CCL5: variants seen among roughly 807,000 people sequenced by gnomAD.
CCL5 encodes C-C motif chemokine ligand 5.
Under a neutral mutation model 9.0 loss-of-function variants are expected in CCL5, and 5 were observed. The observed-to-expected ratio is 0.55, with a 90% CI of 0.29 to 1.16. The LOEUF (loss-of-function observed/expected upper bound fraction) is 1.16, where lower values mean the gene tolerates loss of function less well. Ranked by LOEUF, CCL5 falls within the 50% of genes most tolerant of loss-of-function variation. The pLI is 0.08. For synonymous variants in CCL5, 66 were observed against 72.0 expected, an observed-to-expected ratio of 0.92 and a Z score of 0.42; for missense variants, 183 against 183.2, an observed-to-expected ratio of 1.00 and a Z score of 0.01.
rs542380253 is a variant in CCL5 at position 35,880,151 on chromosome 17, G to A, written c.76+79C>T. Reference sequence around the variant, plus strand: ...TACAGTTGAAAAGAGGGCAAGGTGTGGGACAGTCATTGGGATGGGGTAGGC... The same window carrying A: ...TACAGTTGAAAAGAGGGCAAGGTGTAGGACAGTCATTGGGATGGGGTAGGC... On this transcript the variant is annotated intron_variant, in intron 1 of 3. Transcript: ENST00000651122. 6 of 1,074,774 alleles carry A rather than the reference G, an allele frequency of 5.6e-6. No individual in the cohort carries two copies. The East Asian group carries it at 1.4e-4, about 26-fold the overall frequency. 66.6% of individuals were successfully genotyped at this position (1,074,774 alleles called of 1,614,324 possible).
At position 35,872,163 on chromosome 17, in the gene CCL5, T is replaced by A. The variant is rs1001601648; in HGVS notation, c.*107A>T. 8.4e-5 allele frequency: 51 copies of A among 610,532 alleles called. No individual in the cohort carries two copies. In the African/African-American group the frequency reaches 9.1e-4, roughly 11 times the overall value. 37.8% of individuals were successfully genotyped at this position (610,532 alleles called of 1,614,324 possible). A position where few individuals can be genotyped will look rare whatever the true frequency, so the allele number is the denominator to read the frequency against. ...GTCTCGAACTCCTGACCTCAAGTGA[T>A]CCACCCACCTTGGCCTCCCAAAGTG... On this transcript the variant is annotated 3_prime_UTR_variant, in exon 4 of 4. Coordinates refer to ENST00000651122, the MANE Select transcript of CCL5 (RefSeq NM_001278736.2).
At chr17:35,879,731 TTTTA>T (rs1461677827) in intron 1 of CCL5, among the ~76,000 whole-genome samples, 1 of 152,120 alleles carries the variant, frequency 6.6e-6, no homozygotes, top group Non-Finnish European at 1.5e-5. Context: ...CTCTCCTTGT[TTTTA>T]TTTGTTTTTT....
chr17:35,873,875 G>T (rs1417300170), intron 3 of CCL5, among the ~76,000 whole-genome samples: 1 of 152,226 alleles, frequency 6.6e-6, no homozygotes, highest in Non-Finnish European at 1.5e-5. Context: ...TGAGGGCCAT[G>T]AGATAATGGC....
rs1475898926 is a variant in CCL5 at position 35,872,483 on chromosome 17, A to G, written c.271-19T>C. On this transcript the variant is annotated intron_variant, in intron 3 of 3. Coordinates refer to ENST00000651122, the MANE Select transcript of CCL5 (RefSeq NM_001278736.2). ...GACAAAGCTGTGGGAGAGGAGAAGA[A>G]GAGGGAGGATGAGACCTTGTCAGTA... 6.2e-7 allele frequency: 1 copy of G among 1,612,230 alleles called. No homozygotes were observed. The highest frequency in any genetic ancestry group is 1.7e-5 in the Admixed American group (1 of 60,018).
intron 3 of CCL5, chr17:35,875,458 G>A (rs192378305): frequency 1.6e-4 from 55 of 333,360 alleles, no homozygotes; most frequent in African/African-American, 1.2e-3. Context: ...CTCCCACCCC[G>A]GTGTGCAGAG....
At chr17:35,878,772 G>T (rs775490943) in intron 1 of CCL5, 133 bp from the exon 2 acceptor site, 80 of 622,476 alleles carry the variant, frequency 1.3e-4, no homozygotes, top group Non-Finnish European at 2.1e-4. Context: ...GCTCAGAGAG[G>T]TAAAGTCACT....
chr17:35,874,612 T>A (rs1287686420), intron 3 of CCL5, among the ~76,000 whole-genome samples: 1 of 152,124 alleles, frequency 6.6e-6, no homozygotes, highest in Non-Finnish European at 1.5e-5. Flanking sequence ...AGAAGTTTAT[T>A]TTATTTTTTA....
At chr17:35,878,673 A>T (rs2088475148) in intron 1 of CCL5, 34 bp from the exon 2 acceptor site, 1 of 1,268,768 alleles carries the variant, frequency 7.9e-7, no homozygotes, top group South Asian at 1.3e-5. Flanking sequence ...AGACCCTTTT[A>T]TTCATTGCTA....
At chr17:35,877,229 G>T (rs1271100087) in intron 2 of CCL5, among the ~76,000 whole-genome samples, 1 of 151,996 alleles carries the variant, frequency 6.6e-6, no homozygotes, top group Non-Finnish European at 1.5e-5. Flanking sequence ...CTTCACCCTG[G>T]CTGGGTACAG....
At chr17:35,872,709 G>T (rs1879142514) in intron 3 of CCL5, among the ~76,000 whole-genome samples, 1 of 152,164 alleles carries the variant, frequency 6.6e-6, no homozygotes, top group Admixed American at 6.5e-5. Flanking sequence ...ACAAATGCAT[G>T]TAGCCTGAAA....
intron 1 of CCL5, among the ~76,000 whole-genome samples, chr17:35,879,862 A>T (rs934970192): frequency 2.4e-4 from 37 of 152,144 alleles, no homozygotes; most frequent in Non-Finnish European, 1.9e-4. Flanking sequence ...GTTTAGTTAA[A>T]TTTCTTAGAA....
intron 3 of CCL5, among the ~76,000 whole-genome samples, chr17:35,874,714 G>A (rs938013664): frequency 6.6e-6 from 1 of 152,078 alleles, no homozygotes; most frequent in Non-Finnish European, 1.5e-5. Context: ...GGGTTCAAGC[G>A]ATTCTCCTGC....
At chr17:35,874,859 G>A (rs578072511) in intron 3 of CCL5, among the ~76,000 whole-genome samples, 6 of 152,000 alleles carry the variant, frequency 3.9e-5, no homozygotes, top group African/African-American at 7.2e-5. Context: ...ATGACCACCC[G>A]CCTCAGCCTC....
chr17:35,877,306 C>A (rs1249685688), intron 2 of CCL5, among the ~76,000 whole-genome samples: 1 of 152,088 alleles, frequency 6.6e-6, no homozygotes, highest in Non-Finnish European at 1.5e-5. Flanking sequence ...ACCCGGGAGG[C>A]AAAGGATGCA....
Position 35,878,528 on chromosome 17 carries a change from A to G in CCL5, c.188T>C (p.Val63Ala). The change falls in exon 2 of 4, where the codon GTC (valine) becomes GCC (alanine). Residue 63 changes from valine (V) to alanine (A), a missense_variant and splice_region_variant. Val to Ala is a moderately conservative substitution (Grantham distance 64, BLOSUM62 0). Coordinates refer to ENST00000651122, the MANE Select transcript of CCL5 (RefSeq NM_001278736.2). ...AGGGCTCCATGGGGCTGAGACTCAC[A>G]CGACTGCTGGGTTGGAGCACTTGCC... 1 of 1,610,412 alleles carries G rather than the reference A, an allele frequency of 6.2e-7. No individual in the cohort carries two copies. The highest frequency in any genetic ancestry group is 2.2e-5 in the East Asian group (1 of 44,844).
At position 35,875,022 on chromosome 17, in the gene CCL5, G is replaced by A. The variant is rs866208672; in HGVS notation, c.270+539C>T. Reference sequence around the variant, plus strand: ...ACACAGAAATTCCGCCTTTGCTTTTGTGATTACTATCACATTAAAAAAAAA... The same window carrying A: ...ACACAGAAATTCCGCCTTTGCTTTTATGATTACTATCACATTAAAAAAAAA... On this transcript the variant is annotated intron_variant, in intron 3 of 3. Coordinates refer to ENST00000651122, the MANE Select transcript of CCL5 (RefSeq NM_001278736.2). 2.0e-5 allele frequency among the ~76,000 whole-genome samples: 3 copies of A among 149,716 alleles called. No individual in the cohort carries two copies. In the South Asian group the frequency reaches 6.3e-4, roughly 32 times the overall value.
At chr17:35,872,925 G>T (rs2088391569) in intron 3 of CCL5, among the ~76,000 whole-genome samples, 1 of 151,046 alleles carries the variant, frequency 6.6e-6, no homozygotes, top group Non-Finnish European at 1.5e-5. Flanking sequence ...GTCTTGCTCT[G>T]TCACCCAGGC....
chr17:35,873,530 A>G (rs183304064), intron 3 of CCL5, among the ~76,000 whole-genome samples: 4 of 152,348 alleles, frequency 2.6e-5, no homozygotes, highest in Admixed American at 2.0e-4. Context: ...TAGACAACGC[A>G]GTGCCTGGCA....
At chr17:35,872,632 T>C (rs577904395) in intron 3 of CCL5, among the ~76,000 whole-genome samples, 168 bp from the exon 3 acceptor site, 1 of 152,292 alleles carries the variant, frequency 6.6e-6, no homozygotes, top group East Asian at 1.9e-4. Flanking sequence ...AGAGAACATT[T>C]CCTCATCTGT....
Sources: gnomAD v4.1 joint callset for allele counts (sites outside exome capture counted in the v4.1 genomes callset) on GRCh38, gnomAD v4.1.1 for gene constraint, MANE v1.5 for transcripts, NCBI Gene and HGNC (gene_info 2026-07-23, HGNC 2026-07-21) for gene names.